ADK: variants seen among roughly 807,000 people sequenced by gnomAD.
ADK encodes N6,N6-dimethyladenosine kinase.
In ADK, 24 loss-of-function variants were observed where a neutral mutation model predicts 44.7. That is an observed-to-expected ratio of 0.54 (90% CI 0.39 to 0.76). The LOEUF (loss-of-function observed/expected upper bound fraction) is 0.76, where lower values mean the gene tolerates loss of function less well. Among genes scored for constraint, ADK ranks in the 30% least tolerant of loss-of-function variants. The pLI, the probability that ADK is intolerant of heterozygous loss-of-function variation, is 0.00. For synonymous variants in ADK, 128 were observed against 142.6 expected (o/e 0.90, Z 0.73); for missense variants, 321 against 425.1 (o/e 0.76, Z 2.15).
At chr10:74,460,843 A>T (rs1175749542) in intron 6 of ADK, among the ~76,000 whole-genome samples, 1 of 152,176 alleles carries the variant, frequency 6.6e-6, no homozygotes, top group Non-Finnish European at 1.5e-5. Flanking sequence ...TAGCTTAAGA[A>T]AATGTTTAAA....
intron 4 of ADK, among the ~76,000 whole-genome samples, chr10:74,392,395 T>G (rs1005468280): frequency 4.6e-5 from 7 of 152,170 alleles, no homozygotes; most frequent in African/African-American, 1.4e-4. Flanking sequence ...GGTTTTGATT[T>G]CCCTGATGAT....
chr10:74,601,564 ATG>A (rs1852121230), intron 9 of ADK, among the ~76,000 whole-genome samples: 1 of 152,172 alleles, frequency 6.6e-6, no homozygotes, highest in African/African-American at 2.4e-5. Context: ...GAGGGTATAA[ATG>A]AAATGAGACT....
chr10:74,226,945 G>T, intron 3 of ADK, among the ~76,000 whole-genome samples: 1 of 151,922 alleles, frequency 6.6e-6, no homozygotes, highest in East Asian at 1.9e-4. Context: ...GTTGAATATG[G>T]CACCATAAAA....
intron 6 of ADK, among the ~76,000 whole-genome samples, chr10:74,465,910 C>G (rs1272021762): frequency 6.6e-6 from 1 of 152,024 alleles, no homozygotes; most frequent in Admixed American, 6.6e-5. Context: ...GTGACTTAGA[C>G]TTTGATAAAC....
At chr10:74,511,609 G>A (rs1848328742) in intron 6 of ADK, among the ~76,000 whole-genome samples, 1 of 152,030 alleles carries the variant, frequency 6.6e-6, no homozygotes, top group Non-Finnish European at 1.5e-5. Context: ...CTACTTTGTT[G>A]TTTATGTACA....
chr10:74,686,026 A>G (rs757093056), intron 10 of ADK, among the ~76,000 whole-genome samples: 7 of 152,018 alleles, frequency 4.6e-5, no homozygotes, highest in South Asian at 4.2e-4. Context: ...CAGTGGCGCA[A>G]TCCCGACTCG....
chr10:74,583,061 A>T (rs1272715502), intron 7 of ADK, among the ~76,000 whole-genome samples: 2 of 152,242 alleles, frequency 1.3e-5, no homozygotes, highest in Non-Finnish European at 2.9e-5. Flanking sequence ...ACGTGGTATC[A>T]TAAGAAAGTA....
At position 74,316,154 on chromosome 10, in the gene ADK, C is replaced by T. The variant is rs367798718; in HGVS notation, c.273+1409C>T. On this transcript the variant is annotated intron_variant, in intron 4 of 10. Transcript: ENST00000539909. ...ACTTGGGAGGCTGAGGCCAGAGAAT[C>T]GGTTGAACCTGGGCGGTATAGGTTG... Among the ~76,000 whole-genome samples the T allele has an allele frequency of 2.6e-4, 39 of 151,692 alleles. 1 individual carries two copies. Among genetic ancestry groups the T allele is most frequent in the Middle Eastern group, 6.8e-3 (2 of 292 alleles).
chr10:74,695,622 GTGTGT>G (rs1564856907), intron 10 of ADK, among the ~76,000 whole-genome samples: 30 of 39,864 alleles, frequency 7.5e-4, no homozygotes, highest in African/African-American at 1.7e-3. Context: ...TGTGTGGGGT[GTGTGT>G]GTGTGTGTGT....
chr10:74,519,826 G>A (rs1848734251), intron 6 of ADK, among the ~76,000 whole-genome samples: 2 of 151,946 alleles, frequency 1.3e-5, no homozygotes, highest in South Asian at 4.2e-4. Flanking sequence ...GTGGACTAAA[G>A]ATACTAACGC....
intron 7 of ADK, among the ~76,000 whole-genome samples, chr10:74,551,012 A>G (rs1256184894): frequency 6.6e-6 from 1 of 152,160 alleles, no homozygotes; most frequent in African/African-American, 2.4e-5. Flanking sequence ...CCAGCTCTGA[A>G]CTATTTTTTA....
At chr10:74,587,923 T>C (rs930719090) in intron 7 of ADK, among the ~76,000 whole-genome samples, 1 of 152,156 alleles carries the variant, frequency 6.6e-6, no homozygotes, top group African/African-American at 2.4e-5. Context: ...TAATAATCAT[T>C]AGATTGTGTC....
At chr10:74,463,923 A>G (rs1846260653) in intron 6 of ADK, among the ~76,000 whole-genome samples, 1 of 152,192 alleles carries the variant, frequency 6.6e-6, no homozygotes, top group South Asian at 2.1e-4. Context: ...TTGAAAACAT[A>G]CAGAGCCTAA....
At chr10:74,359,904 T>C (rs1343941699) in intron 4 of ADK, among the ~76,000 whole-genome samples, 1 of 152,134 alleles carries the variant, frequency 6.6e-6, no homozygotes, top group African/African-American at 2.4e-5. Flanking sequence ...TTGTAGCTAT[T>C]GTAAATGGTT....
chr10:74,440,804 A>C (rs1845380847), intron 6 of ADK, among the ~76,000 whole-genome samples: 1 of 152,122 alleles, frequency 6.6e-6, no homozygotes, highest in African/African-American at 2.4e-5. Context: ...TGTATATCTT[A>C]GGGAGGCATT....
chr10:74,180,771 T>C (rs1174774055), intron 1 of ADK, among the ~76,000 whole-genome samples: 1 of 152,134 alleles, frequency 6.6e-6, no homozygotes, highest in Admixed American at 6.5e-5. Context: ...CATGCTAGTC[T>C]TGAATTCCTG....
intron 1 of ADK, among the ~76,000 whole-genome samples, chr10:74,187,477 G>A (rs1209443018): frequency 6.6e-6 from 1 of 151,208 alleles, no homozygotes; most frequent in Non-Finnish European, 1.5e-5. Context: ...TTATTTGCCA[G>A]GTTTCTCAGA....
chr10:74,578,723 A>G (rs773129807), intron 7 of ADK, among the ~76,000 whole-genome samples: 40 of 152,222 alleles, frequency 2.6e-4, no homozygotes, highest in Non-Finnish European at 4.4e-4. Flanking sequence ...AGCTATACAG[A>G]ACTTTCTAGT....
At chr10:74,509,717 A>T (rs1442591239) in intron 6 of ADK, among the ~76,000 whole-genome samples, 1 of 152,044 alleles carries the variant, frequency 6.6e-6, no homozygotes, top group Non-Finnish European at 1.5e-5. Context: ...CCTTTAACAA[A>T]TTTTTCCCTA....
Sources: gnomAD v4.1 joint callset for allele counts (sites outside exome capture counted in the v4.1 genomes callset) on GRCh38, gnomAD v4.1.1 for gene constraint, MANE v1.5 for transcripts, NCBI Gene and HGNC (gene_info 2026-07-23, HGNC 2026-07-21) for gene names.